Variants in DENND6B observed in about 807,000 individuals in gnomAD.
DENND6B encodes protein DENND6B.
DENND6B carries 73 observed loss-of-function variants against 85.1 expected under a neutral mutation model. The ratio of observed to expected loss-of-function variants is 0.86; its 90% CI spans 0.71 to 1.04. DENND6B has a LOEUF of 1.04. DENND6B is among the 50% of genes least tolerant of loss of function. DENND6B has a pLI of 0.00. For synonymous variants in DENND6B, 357 were observed against 329.3 expected, an observed-to-expected ratio of 1.08 and a Z score of -0.91; for missense variants, 715 against 785.8, an observed-to-expected ratio of 0.91 and a Z score of 1.08.
Position 50,319,017 on chromosome 22 carries a change from C to CA in DENND6B, c.178-15dup. ...CGGATACACCAGCTGCAGAGGAAGACAGAGTGCTTGGTGACACCATCTGTC... is the reference window on the plus strand; with the variant it reads ...CGGATACACCAGCTGCAGAGGAAGACAAGAGTGCTTGGTGACACCATCTGTC... On this transcript the variant is annotated splice_polypyrimidine_tract_variant and intron_variant, in intron 1 of 19. Coordinates refer to ENST00000413817, the MANE Select transcript of DENND6B (RefSeq NM_001001794.4). The CA allele has an allele frequency of 1.3e-6, 2 of 1,590,226 alleles. No individual in the cohort carries two copies. Among genetic ancestry groups the CA allele is most frequent in the Non-Finnish European group, 1.7e-6 (2 of 1,168,678 alleles).
intron 1 of DENND6B, among the ~76,000 whole-genome samples, chr22:50,326,302 T>C (rs2042187631): frequency 6.6e-6 from 1 of 152,158 alleles, no homozygotes; most frequent in Non-Finnish European, 1.5e-5. Flanking sequence ...AAGGAGGCGC[T>C]GCAGGGTTTT....
intron 1 of DENND6B, chr22:50,319,461 C>T (rs2041971407): frequency 1.0e-6 from 1 of 985,232 alleles, no homozygotes. Context: ...TGCAGTTGGG[C>T]CCCCCTGCCC....
At chr22:50,319,787 A>C (rs1253898495) in intron 1 of DENND6B, among the ~76,000 whole-genome samples, 3 of 152,180 alleles carry the variant, frequency 2.0e-5, no homozygotes, top group African/African-American at 7.2e-5. Context: ...CCTGCTCAGC[A>C]GTCTTCACCC....
rs1601801277 is a variant in DENND6B at position 50,312,081 on chromosome 22, G to T, written c.*58C>A. On this transcript the variant is annotated 3_prime_UTR_variant, in exon 20 of 20. Coordinates refer to ENST00000413817, the MANE Select transcript of DENND6B (RefSeq NM_001001794.4). ...TGCTTGGCCCAGTGCCGCCACCACT[G>T]GGGAGTGGGAGGCTCAGGCAGACCT... 1 of 1,590,568 alleles carries T rather than the reference G, an allele frequency of 6.3e-7. No homozygotes were observed. Among genetic ancestry groups the T allele is most frequent in the East Asian group, 2.2e-5 (1 of 44,566 alleles).
intron 1 of DENND6B, among the ~76,000 whole-genome samples, chr22:50,321,127 G>A (rs779055341): frequency 1.3e-5 from 2 of 152,186 alleles, no homozygotes; most frequent in Non-Finnish European, 2.9e-5. Flanking sequence ...GAGGAAGACT[G>A]GGGGTGGGAG....
At position 50,314,504 on chromosome 22, in the gene DENND6B, CAGAG is replaced by C. The variant is rs750622710; in HGVS notation, c.978-14_978-11del. On this transcript the variant is annotated splice_polypyrimidine_tract_variant and intron_variant, in intron 11 of 19. Transcript: ENST00000413817. ...CAGGACCACGTTTGGTCTAGACAGA[CAGAG>C]AGAGAGAAGAGGCAGAGACAGAGGT... 52 of 1,556,288 alleles carry C rather than the reference CAGAG, an allele frequency of 3.3e-5. No individual in the cohort carries two copies. The highest frequency in any genetic ancestry group is 9.7e-5 in the Admixed American group (5 of 51,426).
chr22:50,319,145 GC>G (rs1569205650), intron 1 of DENND6B, 142 bp from the exon 2 acceptor site: 2 of 1,533,300 alleles, frequency 1.3e-6, no homozygotes, highest in East Asian at 4.9e-5. Flanking sequence ...GTGCTGGCTC[GC>G]CCCCTGCTCC....
chr22:50,325,196 A>G (rs1178163739), intron 1 of DENND6B, among the ~76,000 whole-genome samples: 2 of 152,174 alleles, frequency 1.3e-5, no homozygotes, highest in Admixed American at 1.3e-4. Context: ...CCAGCTGACC[A>G]TGCCCCTAGT....
chr22:50,312,660 G>T (rs1194073402), intron 17 of DENND6B, 35 bp from the exon 18 acceptor site: 1 of 1,514,776 alleles, frequency 6.6e-7, no homozygotes, highest in Non-Finnish European at 9.0e-7. Context: ...CCATGGGGCT[G>T]ACCCTGGGGA....
intron 1 of DENND6B, chr22:50,319,498 C>A: frequency 1.0e-6 from 1 of 985,438 alleles, no homozygotes; most frequent in Non-Finnish European, 1.2e-6. Flanking sequence ...CTGTTCACAG[C>A]ATCAGAAGGG....
intron 1 of DENND6B, 54 bp from the exon 2 acceptor site, chr22:50,319,057 C>G (rs1332005454): frequency 1.2e-5 from 18 of 1,556,396 alleles, no homozygotes; most frequent in Non-Finnish European, 1.6e-5. Flanking sequence ...GAGGCGACAC[C>G]CCTCGACAGC....
At position 50,326,875 on chromosome 22, in the gene DENND6B, G is replaced by A; in HGVS notation, c.114C>T (p.Phe38=). 1.9e-5 allele frequency: 27 copies of A among 1,423,060 alleles called. No individual in the cohort carries two copies. The highest frequency in any genetic ancestry group is 2.2e-5 in the Non-Finnish European group (24 of 1,089,380). The allele number at this position is 1,423,060 out of a possible 1,614,324, so 88.2% of individuals were successfully genotyped here. A position where few individuals can be genotyped will look rare whatever the true frequency, so the allele number is the denominator to read the frequency against. ...ARTPAAPWAR[F]SAWLECVCVV... ...CGCACACACACTCCAGCCAGGCGGA[G>A]AAGCGCGCCCAGGGCGCCGCCGGGG... The change falls in exon 1 of 20, where the codon TTC becomes TTT. Residue 38 remains phenylalanine (F), a synonymous_variant. Transcript: ENST00000413817.
At chr22:50,325,059 G>C (rs2042154335) in intron 1 of DENND6B, among the ~76,000 whole-genome samples, 1 of 152,144 alleles carries the variant, frequency 6.6e-6, no homozygotes, top group African/African-American at 2.4e-5. Context: ...GGGAGGAAAG[G>C]CAAGAGTCAT....
chr22:50,316,691 C>T (rs1037002974), intron 5 of DENND6B: 205 of 1,482,138 alleles, frequency 1.4e-4, no homozygotes, highest in Non-Finnish European at 1.7e-4. Flanking sequence ...GGGTGGCGGC[C>T]GGTGGGGCTG....
At chr22:50,315,529 G>A (rs1265587767) in intron 9 of DENND6B, among the ~76,000 whole-genome samples, 185 bp downstream of exon 9, 1 of 152,210 alleles carries the variant, frequency 6.6e-6, no homozygotes, top group Non-Finnish European at 1.5e-5. Flanking sequence ...TACTCAGGAT[G>A]AGCGCTGCCT....
In DENND6B at chr22:50,313,733, G is replaced by C. The variant is rs1296686026; in HGVS notation, c.1204-9C>G. ...CGCTTCTTCTGCACGCCCTGCAGGG[G>C]AGAGAGGGCCAGGCCCTTGCTGCGC... On this transcript the variant is annotated splice_polypyrimidine_tract_variant and intron_variant, in intron 14 of 19. Coordinates refer to ENST00000413817, the MANE Select transcript of DENND6B (RefSeq NM_001001794.4). The C allele has an allele frequency of 1.4e-5, 23 of 1,604,460 alleles. No individual in the cohort carries two copies. The highest frequency in any genetic ancestry group is 2.0e-5 in the Non-Finnish European group (23 of 1,177,008).
At chr22:50,314,013 C>T in intron 13 of DENND6B, 135 bp from the exon 14 acceptor site, 1 of 1,306,438 alleles carries the variant, frequency 7.7e-7, no homozygotes, top group Non-Finnish European at 1.0e-6. Flanking sequence ...GAAAATCTCA[C>T]CCACCCACCC....
At chr22:50,313,402 AC>A (rs746775450) in intron 16 of DENND6B, 43 bp downstream of exon 16, 2 of 1,530,940 alleles carry the variant, frequency 1.3e-6, no homozygotes, top group Non-Finnish European at 8.8e-7. Context: ...GAGGAAGGGA[AC>A]CCGCCCTCCA....
intron 1 of DENND6B, among the ~76,000 whole-genome samples, chr22:50,324,435 G>A (rs1295787701): frequency 6.6e-6 from 1 of 152,142 alleles, no homozygotes; most frequent in South Asian, 2.1e-4. Flanking sequence ...CTACGGTTTT[G>A]TTTTTTGAGA....
Sources: allele counts gnomAD v4.1 joint callset (sites outside exome capture counted in the v4.1 genomes callset), GRCh38; gene constraint gnomAD v4.1.1; transcripts MANE v1.5; gene names NCBI Gene and HGNC (gene_info 2026-07-23, HGNC 2026-07-21).